The following ZNF354C variants were observed in gnomAD, a reference collection of about 807,000 sequenced individuals.
ZNF354C encodes the protein zinc finger protein 354C.
In ZNF354C, 7 loss-of-function variants were observed where a neutral mutation model predicts 12.4. That is an observed-to-expected ratio of 0.56 (90% confidence interval 0.32 to 1.06). ZNF354C has a LOEUF of 1.06. Ranked by LOEUF, ZNF354C falls within the 50% of genes least tolerant of loss-of-function variation. The pLI is 0.04. For missense variants in ZNF354C, 609 were observed against 658.0 expected, an observed-to-expected ratio of 0.93 and a Z score of 0.81; for synonymous variants, 202 against 224.5, an observed-to-expected ratio of 0.90 and a Z score of 0.90.
Position 179,081,777 on chromosome 5 carries a change from T to C in ZNF354C, c.*1680T>C, listed in dbSNP as rs1040136467. 3.3e-5 allele frequency: 5 copies of C among 152,294 alleles called. No homozygotes were observed. Among genetic ancestry groups the C allele is most frequent in the Admixed American group, 3.3e-4 (5 of 15,284 alleles). The allele number at this position is 152,294 out of a possible 1,614,324, so 9.4% of individuals were successfully genotyped here. ...TTGGAGAAATGGCTGATTCCATGTT[T>C]GGAGCAGGGGAAGTGGGTGGTGTGG... On this transcript the variant is annotated 3_prime_UTR_variant, in exon 5 of 5. Coordinates refer to ENST00000315475, the MANE Select transcript of ZNF354C (RefSeq NM_014594.3).
Position 179,082,610 on chromosome 5 carries a change from A to C in ZNF354C, c.*2513A>C. The C allele has an allele frequency of 8.0e-7, 1 of 1,248,432 alleles. No homozygotes were observed. The highest frequency in any genetic ancestry group is 1.2e-6 in the Non-Finnish European group (1 of 850,334). The allele number at this position is 1,248,432 out of a possible 1,614,324, so 77.3% of individuals were successfully genotyped here. ...AGGGATGAAGAGGGAGATATTCAGA[A>C]ACCTTCACCAGATTCCTCCCAACTT... On this transcript the variant is annotated 3_prime_UTR_variant, in exon 5 of 5. Coordinates refer to ENST00000315475, the MANE Select transcript of ZNF354C (RefSeq NM_014594.3).
rs1379957454 is a variant in ZNF354C, at chr5:179,083,268, T to C, written c.*3171T>C. On this transcript the variant is annotated 3_prime_UTR_variant, in exon 5 of 5. Coordinates refer to ENST00000315475, the MANE Select transcript of ZNF354C (RefSeq NM_014594.3). Reference sequence around the variant, plus strand: ...GGAAATAGGAAGATGGAATGGGTAGTAGATAATGTGGTATATTTGATTTTT... The same window carrying C: ...GGAAATAGGAAGATGGAATGGGTAGCAGATAATGTGGTATATTTGATTTTT... The C allele has an allele frequency of 4.6e-6, 1 of 216,172 alleles. No homozygotes were observed. The highest frequency in any genetic ancestry group is 2.5e-5 in the African/African-American group (1 of 39,994). The allele number at this position is 216,172 out of a possible 1,614,324, so 13.4% of individuals were successfully genotyped here. A position where few individuals can be genotyped will look rare whatever the true frequency, so the allele number is the denominator to read the frequency against.
In ZNF354C at chr5:179,083,578, A is replaced by G. The variant is rs993589008; in HGVS notation, c.*3481A>G. The G allele has an allele frequency of 2.0e-5, 3 of 152,238 alleles. No individual in the cohort carries two copies. The highest frequency in any genetic ancestry group is 7.2e-5 in the African/African-American group (3 of 41,468). The allele number at this position is 152,238 out of a possible 1,614,324, so 9.4% of individuals were successfully genotyped here. A position where few individuals can be genotyped will look rare whatever the true frequency, so the allele number is the denominator to read the frequency against. The stretch of plus-strand genomic sequence containing the variant: ...CTTTCAATCAGAATTCTCCATTTAT[A>G]TTCTTAGGAAGTTCCTGTTTGAGAG... On this transcript the variant is annotated 3_prime_UTR_variant, in exon 5 of 5. Transcript: ENST00000315475.
chr5:179,078,871 A>G lies in ZNF354C; in HGVS notation c.439A>G (p.Ile147Val), dbSNP rs763675615. 6.8e-6 allele frequency: 11 copies of G among 1,614,104 alleles called. No homozygotes were observed. The highest frequency in any genetic ancestry group is 1.1e-5 in the South Asian group (1 of 91,058). Residue 147 changes from isoleucine to valine, a missense_variant, in exon 5 of 5, where the codon ATA (isoleucine) becomes GTA (valine). Transcript: ENST00000315475. ...AGAGAAGAAACCTCTTAGACAAATG[A>G]TAGATTCGCATGAGAAAACCATCAG... ...EQEKKPLRQM[I>V]DSHEKTISED... is the part of the protein sequence containing the mutation.
At chr5:179,077,845 A>C in intron 4 of ZNF354C, among the ~76,000 whole-genome samples, 1 of 131,242 alleles carries the variant, frequency 7.6e-6, no homozygotes, top group Non-Finnish European at 1.6e-5. Context: ...AGTCTCTGTC[A>C]CCCAGGCCGG....
chr5:179,079,650 C>T lies in ZNF354C; in HGVS notation c.1218C>T (p.His406=), dbSNP rs1441983440. 2 of 1,614,070 alleles carry T rather than the reference C, an allele frequency of 1.2e-6. No homozygotes were observed. The highest frequency in any genetic ancestry group is 1.7e-6 in the Non-Finnish European group (2 of 1,180,042). The stretch of plus-strand genomic sequence containing the variant: ...CCCTTATCGAACATCAGCGAATTCA[C>T]ACTGGACAAAAACCTTATCAGTGCA... The part of the protein sequence containing the change: ...IVTLIEHQRI[H]TGQKPYQCNE... Residue 406 remains histidine, a synonymous_variant, in exon 5 of 5, where the codon CAC becomes CAT. Coordinates refer to ENST00000315475, the MANE Select transcript of ZNF354C (RefSeq NM_014594.3). The surrounding 1 kb of genome is among the most constrained non-coding windows in gnomAD (Gnocchi z 4.2).
chr5:179,078,218 G>A (rs35389217), intron 4 of ZNF354C, among the ~76,000 whole-genome samples: 16 of 152,212 alleles, frequency 1.1e-4, no homozygotes, highest in Admixed American at 9.8e-4. Context: ...ATCGGGCATA[G>A]AGTTTCAGAG....
chr5:179,083,009 G>A lies in ZNF354C; in HGVS notation c.*2912G>A, dbSNP rs1762249882. The A allele has an allele frequency of 1.3e-6, 1 of 766,814 alleles. No homozygotes were observed. Among genetic ancestry groups the A allele is most frequent in the African/African-American group, 1.7e-5 (1 of 57,432 alleles). The allele number at this position is 766,814 out of a possible 1,614,324, so 47.5% of individuals were successfully genotyped here. On this transcript the variant is annotated 3_prime_UTR_variant, in exon 5 of 5. Coordinates refer to ENST00000315475, the MANE Select transcript of ZNF354C (RefSeq NM_014594.3). ...TGCTATCCCCTACTTCATAGTTAATGAAGCCAAACTGATCTTGCACACATT... is the reference window on the plus strand; with the variant it reads ...TGCTATCCCCTACTTCATAGTTAATAAAGCCAAACTGATCTTGCACACATT...
intron 2 of ZNF354C, among the ~76,000 whole-genome samples, chr5:179,075,117 G>A (rs1012202292): frequency 6.6e-6 from 1 of 151,900 alleles, no homozygotes; most frequent in Non-Finnish European, 1.5e-5. Context: ...AAATTAGCCG[G>A]GTGTGGTGGT....
chr5:179,083,118 G>A lies in ZNF354C; in HGVS notation c.*3021G>A. The A allele has an allele frequency of 1.8e-6, 1 of 557,790 alleles. No homozygotes were observed. Among genetic ancestry groups the A allele is most frequent in the Middle Eastern group, 3.9e-4 (1 of 2,580 alleles). 34.6% of individuals were successfully genotyped at this position (557,790 alleles called of 1,614,324 possible). On this transcript the variant is annotated 3_prime_UTR_variant, in exon 5 of 5. Coordinates refer to ENST00000315475, the MANE Select transcript of ZNF354C (RefSeq NM_014594.3). ...GGTCTGGACTTTTCAAAAAGCAAATGTAGTAAAACAAAAAGTGGTCTCTGC... is the reference window on the plus strand; with the variant it reads ...GGTCTGGACTTTTCAAAAAGCAAATATAGTAAAACAAAAAGTGGTCTCTGC...
intron 4 of ZNF354C, among the ~76,000 whole-genome samples, chr5:179,078,230 G>C (rs1762156454): frequency 6.6e-6 from 1 of 152,176 alleles, no homozygotes; most frequent in South Asian, 2.1e-4. Flanking sequence ...GTTTCAGAGA[G>C]AGCATGGGGA....
At chr5:179,064,710 G>A (rs544109152) in intron 2 of ZNF354C, among the ~76,000 whole-genome samples, 6 of 151,876 alleles carry the variant, frequency 4.0e-5, no homozygotes, top group African/African-American at 1.2e-4. Context: ...CACCGCGCCC[G>A]GCCTATGTAA....
At chr5:179,073,460 A>G (rs1190488143) in intron 2 of ZNF354C, among the ~76,000 whole-genome samples, 5 of 152,322 alleles carry the variant, frequency 3.3e-5, no homozygotes, top group African/African-American at 1.2e-4. Flanking sequence ...CTATTGTATT[A>G]TAGGAGGGGG....
chr5:179,079,144 C>T lies in ZNF354C; in HGVS notation c.712C>T (p.His238Tyr). 6.2e-7 allele frequency: 1 copy of T among 1,613,858 alleles called. No individual in the cohort carries two copies. The highest frequency in any genetic ancestry group is 1.1e-5 in the South Asian group (1 of 91,074). The change falls in exon 5 of 5, where the codon CAT becomes TAT. Residue 238 changes from histidine to tyrosine, a missense_variant. Coordinates refer to ENST00000315475, the MANE Select transcript of ZNF354C (RefSeq NM_014594.3). The surrounding 1 kb of genome is among the most constrained non-coding windows in gnomAD (Gnocchi z 4.2). Reference protein sequence around the residue: ...NLHLIEHQRIHTGEKPYKCNE... With the variant: ...NLHLIEHQRIYTGEKPYKCNE... ...GCATCTTATTGAACATCAGAGAATT[C>T]ATACAGGTGAGAAACCCTACAAATG...
intron 2 of ZNF354C, among the ~76,000 whole-genome samples, chr5:179,074,973 A>G (rs1298423672): frequency 6.6e-6 from 1 of 152,178 alleles, no homozygotes; most frequent in Non-Finnish European, 1.5e-5. Flanking sequence ...ATAAGTTAAA[A>G]TAGGCCAAGT....
rs1307115203 is a variant in ZNF354C, at chr5:179,080,709, T to G, written c.*612T>G. 1 of 151,878 alleles carries G rather than the reference T, an allele frequency of 6.6e-6. No individual in the cohort carries two copies. The highest frequency in any genetic ancestry group is 1.5e-5 in the Non-Finnish European group (1 of 68,004). The allele number at this position is 151,878 out of a possible 1,614,324, so 9.4% of individuals were successfully genotyped here. A position where few individuals can be genotyped will look rare whatever the true frequency, so the allele number is the denominator to read the frequency against. The stretch of plus-strand genomic sequence containing the variant: ...TTATTAAAAAATGTAGTTTTATTGA[T>G]TTAGAATTTAGTTCTTAAAATCTTG... On this transcript the variant is annotated 3_prime_UTR_variant, in exon 5 of 5. Transcript: ENST00000315475.
Position 179,075,215 on chromosome 5 carries a change from C to T in ZNF354C, c.28-1230C>T, listed in dbSNP as rs1000945995. 2.6e-5 allele frequency among the ~76,000 whole-genome samples: 4 copies of T among 151,112 alleles called. No homozygotes were observed. The South Asian group carries it at 6.3e-4, about 24-fold the overall frequency. On this transcript the variant is annotated intron_variant, in intron 2 of 4. Coordinates refer to ENST00000315475, the MANE Select transcript of ZNF354C (RefSeq NM_014594.3). ...CAGAGCTTGCAGTGAGCTGAGATCG[C>T]GCCACTGCACTCTAGCCTGGGCGAC...
At chr5:179,074,288 G>GT (rs1762085078) in intron 2 of ZNF354C, among the ~76,000 whole-genome samples, 2 of 125,608 alleles carry the variant, frequency 1.6e-5, no homozygotes, top group African/African-American at 5.4e-5. Flanking sequence ...GCTAATTTTT[G>GT]TACTTTTTTT....
At chr5:179,061,374 G>A (rs1323727012) in intron 1 of ZNF354C, among the ~76,000 whole-genome samples, 2 of 152,126 alleles carry the variant, frequency 1.3e-5, no homozygotes, top group Non-Finnish European at 2.9e-5. Context: ...CATTAGAGGC[G>A]GCACCTGTGG....
Sources: allele counts gnomAD v4.1 joint callset (sites outside exome capture counted in the v4.1 genomes callset), GRCh38; gene constraint gnomAD v4.1.1; non-coding constraint Gnocchi (gnomAD v3.1); transcripts MANE v1.5; gene names NCBI Gene and HGNC (gene_info 2026-07-23, HGNC 2026-07-21).